The following PCDH9 variants were observed in gnomAD, a reference collection of about 807,000 sequenced individuals.
PCDH9 encodes the protein protocadherin 9.
In PCDH9, 24 loss-of-function variants were observed where a neutral mutation model predicts 70.6. The observed-to-expected ratio is 0.34, with a 90% CI of 0.25 to 0.48. The LOEUF (loss-of-function observed/expected upper bound fraction) is 0.48. PCDH9 is among the 20% of genes least tolerant of loss of function. The pLI is 0.99. For missense variants in PCDH9, 1,281 were observed against 1,503.6 expected, an observed-to-expected ratio of 0.85 and a Z score of 2.45; for synonymous variants, 562 against 558.5, an observed-to-expected ratio of 1.01 and a Z score of -0.09.
intron 2 of PCDH9, among the ~76,000 whole-genome samples, chr13:66,905,034 T>C (rs2082337610): frequency 6.6e-6 from 1 of 152,072 alleles, no homozygotes; most frequent in South Asian, 2.1e-4. Flanking sequence ...CAAATGGTGA[T>C]TGCCATTTTA....
chr13:66,930,983 C>T (rs1487322006), intron 2 of PCDH9, among the ~76,000 whole-genome samples: 2 of 152,126 alleles, frequency 1.3e-5, no homozygotes, highest in Admixed American at 6.6e-5. Context: ...GCAGGAAATA[C>T]TTGAACAATG....
chr13:66,981,998 G>C (rs1302835522), intron 2 of PCDH9, among the ~76,000 whole-genome samples: 1 of 152,114 alleles, frequency 6.6e-6, no homozygotes, highest in African/African-American at 2.4e-5. Flanking sequence ...CAATGCTGGA[G>C]GTAGGGTCTA....
chr13:66,544,516 G>A (rs1294419753), intron 4 of PCDH9, among the ~76,000 whole-genome samples: 1 of 152,296 alleles, frequency 6.6e-6, no homozygotes, highest in East Asian at 1.9e-4. Flanking sequence ...AGAGCCAGTG[G>A]TGTTAGGAAT....
At chr13:67,072,282 G>T (rs2085782025) in intron 2 of PCDH9, among the ~76,000 whole-genome samples, 1 of 152,082 alleles carries the variant, frequency 6.6e-6, no homozygotes. Flanking sequence ...CTGAAAGTAG[G>T]TCATAAAACC....
At chr13:66,909,684 G>A (rs1428850583) in intron 2 of PCDH9, among the ~76,000 whole-genome samples, 1 of 152,126 alleles carries the variant, frequency 6.6e-6, no homozygotes, top group Non-Finnish European at 1.5e-5. Context: ...CAGGAGAATG[G>A]CGTGAACCTG....
chr13:66,938,392 CT>C (rs2082952728), intron 2 of PCDH9, among the ~76,000 whole-genome samples: 1 of 152,156 alleles, frequency 6.6e-6, no homozygotes, highest in South Asian at 2.1e-4. Flanking sequence ...ATGCAATACT[CT>C]ATTAATTTAG....
chr13:67,228,125 C>T lies in PCDH9; in HGVS notation c.316G>A (p.Glu106Lys). Residue 106 changes from glutamate to lysine, a missense_variant, in exon 2 of 5, where the codon GAG (glutamate) becomes AAG (lysine). Physicochemically the swap from Glu to Lys is moderately conservative, Grantham distance 56. Transcript: ENST00000377865. ...KLCAGASYAE[E>K]NECFFELEVV... is the part of the protein sequence containing the mutation. ...TCAAGTTCAAAGAAACACTCATTCT[C>T]CTCAGCATATGAGGCGCCAGCACAG... The T allele has an allele frequency of 1.2e-6, 2 of 1,614,158 alleles. No homozygotes were observed. Among genetic ancestry groups the T allele is most frequent in the South Asian group, 1.1e-5 (1 of 91,086 alleles).
intron 2 of PCDH9, among the ~76,000 whole-genome samples, chr13:67,046,802 A>T (rs260159): frequency 0.99 from 150,907 of 152,090 alleles, 74,882 homozygotes; most frequent in East Asian, 1. Context: ...GAAAATATAA[A>T]CTTATTTTTA....
At chr13:67,162,821 G>C (rs1341332959) in intron 2 of PCDH9, among the ~76,000 whole-genome samples, 1 of 148,360 alleles carries the variant, frequency 6.7e-6, no homozygotes, top group East Asian at 1.9e-4. Flanking sequence ...TGCCTGCACT[G>C]TACTGAACTG....
intron 3 of PCDH9, among the ~76,000 whole-genome samples, chr13:66,692,618 G>A (rs2078504117): frequency 6.6e-6 from 1 of 152,010 alleles, no homozygotes; most frequent in Non-Finnish European, 1.5e-5. Context: ...ATTCACTTAA[G>A]CTGCTTCTAG....
intron 4 of PCDH9, among the ~76,000 whole-genome samples, chr13:66,403,101 A>T (rs1374223895): frequency 5.9e-5 from 9 of 151,940 alleles, no homozygotes; most frequent in African/African-American, 1.9e-4. Flanking sequence ...CTGTCAAAAA[A>T]AAAGGCTCCT....
intron 2 of PCDH9, among the ~76,000 whole-genome samples, chr13:67,102,276 G>T (rs1009258334): frequency 2.0e-5 from 3 of 152,042 alleles, no homozygotes; most frequent in African/African-American, 7.2e-5. Flanking sequence ...TACTCAAGCA[G>T]AACAAGGGCC....
At chr13:66,344,821 C>T (rs879687890) in intron 4 of PCDH9, among the ~76,000 whole-genome samples, 1 of 152,068 alleles carries the variant, frequency 6.6e-6, no homozygotes, top group Non-Finnish European at 1.5e-5. Context: ...CAGCTTAAAC[C>T]AAAACACACA....
chr13:66,910,078 C>A (rs1314410984), intron 2 of PCDH9, among the ~76,000 whole-genome samples: 1 of 152,108 alleles, frequency 6.6e-6, no homozygotes, highest in African/African-American at 2.4e-5. Flanking sequence ...CCTAGAGATA[C>A]CCTTTTGTCT....
chr13:67,140,681 G>C (rs913115359), intron 2 of PCDH9, among the ~76,000 whole-genome samples: 1 of 152,176 alleles, frequency 6.6e-6, no homozygotes, highest in African/African-American at 2.4e-5. Context: ...TAATTCCAAT[G>C]TGCCTCCTCC....
intron 4 of PCDH9, among the ~76,000 whole-genome samples, chr13:66,552,641 G>A (rs989985661): frequency 2.0e-5 from 3 of 152,064 alleles, no homozygotes; most frequent in African/African-American, 7.2e-5. Context: ...TGGATACATG[G>A]AAGTAAAAAG....
intron 3 of PCDH9, among the ~76,000 whole-genome samples, chr13:66,661,907 G>A (rs369992144): frequency 9.9e-5 from 15 of 152,068 alleles, no homozygotes; most frequent in African/African-American, 1.9e-4. Context: ...CACGCTTTAC[G>A]AAATCATCAC....
intron 4 of PCDH9, among the ~76,000 whole-genome samples, chr13:66,560,368 A>G (rs1484720202): frequency 2.0e-5 from 3 of 152,080 alleles, no homozygotes; most frequent in Non-Finnish European, 4.4e-5. Context: ...CTCCCCACAT[A>G]GCATAGCTGT....
intron 4 of PCDH9, among the ~76,000 whole-genome samples, chr13:66,616,484 C>CTTTTTTTTTTTTTTTTTTTTTT (rs60587237): frequency 2.6e-5 from 3 of 116,672 alleles, no homozygotes; most frequent in Non-Finnish European, 3.4e-5. Context: ...TTCTAAAATT[C>CTTTTTTTTTTTTTTTTTTTTTT]TTTTTTTTTT....
Sources: gnomAD v4.1 joint callset for allele counts (sites outside exome capture counted in the v4.1 genomes callset) on GRCh38, gnomAD v4.1.1 for gene constraint, MANE v1.5 for transcripts, NCBI Gene and HGNC (gene_info 2026-07-23, HGNC 2026-07-21) for gene names.